Variants in ALG13 observed in about 807,000 individuals in gnomAD.
ALG13 encodes the protein UDP-N-acetylglucosamine transferase subunit ALG13.
A neutral mutation model predicts 87.8 loss-of-function variants in ALG13; 11 were observed. That is an observed-to-expected ratio of 0.13 (90% CI 0.08 to 0.21). The LOEUF is 0.21. ALG13 is among the 10% of genes least tolerant of loss of function. The pLI, the probability that ALG13 is intolerant of heterozygous loss-of-function variation, is 1.00. For missense variants in ALG13, 756 were observed against 866.1 expected (o/e 0.87, Z 1.60); for synonymous variants, 320 against 306.3 (o/e 1.04, Z -0.47).
intron 3 of ALG13, among the ~76,000 whole-genome samples, chrX:111,686,791 A>G (rs1176881682): frequency 8.9e-6 from 1 of 112,528 alleles, no homozygotes; most frequent in African/African-American, 3.2e-5. Context: ...TCATAAACAT[A>G]TCCTGACTTT....
intron 25 of ALG13, among the ~76,000 whole-genome samples, chrX:111,753,880 T>C (rs1944983347): frequency 9.0e-6 from 1 of 111,720 alleles, no homozygotes; most frequent in Non-Finnish European, 1.9e-5. Flanking sequence ...TCTGAACGAT[T>C]CCAATCAATA....
At chrX:111,753,872 T>C (rs1445540378) in intron 25 of ALG13, among the ~76,000 whole-genome samples, 1 of 111,957 alleles carries the variant, frequency 8.9e-6, no homozygotes, top group African/African-American at 3.3e-5. Context: ...CTATTCCTTC[T>C]GAACGATTCC....
At chrX:111,722,997 T>C in intron 13 of ALG13, 140 bp downstream of exon 13, 1 of 434,550 alleles carries the variant, frequency 2.3e-6, no homozygotes. Flanking sequence ...CTCTGTTGCC[T>C]AGGCTGGAGT....
At position 111,722,671 on chromosome X, in the gene ALG13, C is replaced by A; in HGVS notation, c.1436-122C>A. 4 of 472,033 alleles carry A rather than the reference C, an allele frequency of 8.5e-6. No homozygotes were observed. In the South Asian group the frequency reaches 1.4e-4, roughly 16 times the overall value. The allele number at this position is 472,033 out of a possible 1,213,427, so 38.9% of individuals were successfully genotyped here. Reference sequence around the variant, plus strand: ...TAGAATCGCCCTTTGGGACTTTACCCCTATTTTCACTTATAGTGGTAGCGT... The same window carrying A: ...TAGAATCGCCCTTTGGGACTTTACCACTATTTTCACTTATAGTGGTAGCGT... On this transcript the variant is annotated intron_variant, in intron 12 of 26. Coordinates refer to ENST00000394780, the MANE Select transcript of ALG13 (RefSeq NM_001099922.3).
intron 26 of ALG13, among the ~76,000 whole-genome samples, chrX:111,758,500 A>G (rs1945463239): frequency 8.9e-6 from 1 of 112,418 alleles, no homozygotes; most frequent in South Asian, 3.7e-4. Context: ...CTTCCCACCA[A>G]TTAAAACTCC....
At chrX:111,710,806 C>T (rs1939630770) in intron 5 of ALG13, among the ~76,000 whole-genome samples, 1 of 111,903 alleles carries the variant, frequency 8.9e-6, no homozygotes, top group Non-Finnish European at 1.9e-5. Flanking sequence ...ATGCCATTCT[C>T]CTGCCTCAGC....
intron 3 of ALG13, among the ~76,000 whole-genome samples, chrX:111,701,157 T>C (rs1010652203): frequency 1.8e-5 from 2 of 111,733 alleles, no homozygotes; most frequent in African/African-American, 6.5e-5. Flanking sequence ...TCAGGGATAT[T>C]GGTCTGTAAA....
chrX:111,758,602 A>G (rs1479458443), intron 26 of ALG13, among the ~76,000 whole-genome samples: 1 of 112,139 alleles, frequency 8.9e-6, no homozygotes, highest in Admixed American at 9.5e-5. Context: ...CAGTGAAGGA[A>G]GAGTTTCCCA....
At position 111,684,702 on chromosome X, in the gene ALG13, G is replaced by A. The variant is rs769617011; in HGVS notation, c.245-263G>A. Among the ~76,000 whole-genome samples the A allele has an allele frequency of 2.7e-5, 3 of 112,127 alleles. No individual in the cohort carries two copies. The East Asian group carries it at 8.4e-4, about 32-fold the overall frequency. On this transcript the variant is annotated intron_variant, in intron 2 of 26. Transcript: ENST00000394780. Reference sequence around the variant, plus strand: ...TAAGTTGAGGGTCATTGGTACTAGAGAGCAAGTAGCATAGCACTGAATCAT... The same window carrying A: ...TAAGTTGAGGGTCATTGGTACTAGAAAGCAAGTAGCATAGCACTGAATCAT...
chrX:111,736,663 C>T, intron 22 of ALG13, 51 bp from the exon 23 acceptor site: 1 of 1,127,455 alleles, frequency 8.9e-7, no homozygotes, highest in Non-Finnish European at 1.2e-6. Flanking sequence ...AGATAATCTA[C>T]TGTTTGAAAA....
chrX:111,724,820 T>TCA, intron 14 of ALG13, 114 bp from the exon 15 acceptor site: 2 of 791,512 alleles, frequency 2.5e-6, no homozygotes, highest in Non-Finnish European at 3.6e-6. Flanking sequence ...AGGAAACTGG[T>TCA]GTCAACCAGG....
intron 3 of ALG13, chrX:111,706,832 A>G (rs1240365010): frequency 1.8e-5 from 2 of 109,815 alleles, no homozygotes; most frequent in South Asian, 3.9e-4. Flanking sequence ...TTCCTTTTTT[A>G]CCATGTCAAA....
chrX:111,711,958 A>G (rs1251303815), intron 6 of ALG13, among the ~76,000 whole-genome samples: 1 of 111,870 alleles, frequency 8.9e-6, no homozygotes, highest in African/African-American at 3.2e-5. Flanking sequence ...GCAAAAGAGT[A>G]TACACTACTT....
Position 111,757,734 on chromosome X carries a change from T to C in ALG13, c.3120T>C (p.Asp1040=), listed in dbSNP as rs2148514681. Reference sequence around the variant, plus strand: ...GCTACAGTGAGGTGAGGAGAGAAGATGGCATACAGGCGGAAGCATCAGCAA... The same window carrying C: ...GCTACAGTGAGGTGAGGAGAGAAGACGGCATACAGGCGGAAGCATCAGCAA... ...PQCYSEVRRE[D]GIQAEASAND... is the part of the protein sequence containing the mutation. The change falls in exon 26 of 27, where the codon GAT becomes GAC. Residue 1040 remains aspartate, a synonymous_variant. Transcript: ENST00000394780. The C allele has an allele frequency of 1.9e-5, 23 of 1,209,214 alleles. No homozygotes were observed. The highest frequency in any genetic ancestry group is 2.5e-5 in the Non-Finnish European group (22 of 894,611).
chrX:111,744,472 T>C (rs957002557), intron 23 of ALG13, among the ~76,000 whole-genome samples, 196 bp from the exon 24 acceptor site: 2 of 111,300 alleles, frequency 1.8e-5, no homozygotes, highest in Admixed American at 9.6e-5. Context: ...TAAATCAAAA[T>C]GACCTGTTAT....
rs779837332 is a variant in ALG13, at chrX:111,728,178, G to C, written c.2248-7G>C. Reference sequence around the variant, plus strand: ...AACTGCAGTGTGTGTGTGTCTCTCTGATACAGAATCATGGAGGTCCCTCTA... The same window carrying C: ...AACTGCAGTGTGTGTGTGTCTCTCTCATACAGAATCATGGAGGTCCCTCTA... On this transcript the variant is annotated splice_region_variant and splice_polypyrimidine_tract_variant and intron_variant, in intron 18 of 26. Transcript: ENST00000394780. 15 of 1,209,051 alleles carry C rather than the reference G, an allele frequency of 1.2e-5. No homozygotes were observed. Among genetic ancestry groups the C allele is most frequent in the Admixed American group, 2.2e-5 (1 of 45,663 alleles).
At chrX:111,728,805 T>C (rs967921019) in intron 19 of ALG13, among the ~76,000 whole-genome samples, 2 of 111,318 alleles carry the variant, frequency 1.8e-5, no homozygotes, top group African/African-American at 6.5e-5. Context: ...ATATTCATAA[T>C]ATAGTCCTTC....
chrX:111,745,413 T>G (rs1944147153), intron 24 of ALG13, among the ~76,000 whole-genome samples: 1 of 111,426 alleles, frequency 9.0e-6, no homozygotes, highest in Non-Finnish European at 1.9e-5. Context: ...AGTTTTTCAT[T>G]GGAAGTTCTT....
At chrX:111,716,154 C>T (rs5985636) in intron 8 of ALG13, among the ~76,000 whole-genome samples, 26,972 of 110,462 alleles carry the variant, frequency 0.24, 7,881 homozygotes, top group African/African-American at 0.83. Context: ...GTAAATGGGC[C>T]CATATTTAAC....
Sources: gnomAD v4.1 joint callset for allele counts (sites outside exome capture counted in the v4.1 genomes callset) on GRCh38, gnomAD v4.1.1 for gene constraint, MANE v1.5 for transcripts, NCBI Gene and HGNC (gene_info 2026-07-23, HGNC 2026-07-21) for gene names.